The following ZFHX3 variants were observed in gnomAD, a reference collection of about 807,000 sequenced individuals.
The protein encoded by ZFHX3 is zinc finger homeobox 3.
A neutral mutation model predicts 279.1 loss-of-function variants in ZFHX3; 42 were observed. The observed-to-expected ratio is 0.15, with a 90% CI of 0.12 to 0.19. ZFHX3 has a LOEUF of 0.19. ZFHX3 is among the 10% of genes least tolerant of loss of function. ZFHX3 has a pLI of 1.00. For synonymous variants in ZFHX3, 2,293 were observed against 1,957.8 expected, an observed-to-expected ratio of 1.17 and a Z score of -4.52; for missense variants, 4,981 against 4,754.0, an observed-to-expected ratio of 1.05 and a Z score of -1.40.
At chr16:73,280,078 T>C (rs887847359) in intron 4 of ZFHX3, among the ~76,000 whole-genome samples, 1 of 152,086 alleles carries the variant, frequency 6.6e-6, no homozygotes, top group African/African-American at 2.4e-5. Flanking sequence ...TGCAAAAGAA[T>C]GAAATTGGAC....
chr16:73,557,762 T>C (rs1332232047), intron 2 of ZFHX3, among the ~76,000 whole-genome samples: 2 of 152,086 alleles, frequency 1.3e-5, no homozygotes, highest in Admixed American at 1.3e-4. Context: ...TCCTATCTCA[T>C]CCTGTGACTT....
intron 1 of ZFHX3, among the ~76,000 whole-genome samples, chr16:73,719,501 C>A (rs2142236214): frequency 6.6e-6 from 1 of 152,182 alleles, no homozygotes; most frequent in East Asian, 1.9e-4. Context: ...ACAACCTGCT[C>A]CCAAAATAGT....
At chr16:73,544,817 C>T (rs1567515146) in intron 2 of ZFHX3, among the ~76,000 whole-genome samples, 1 of 152,080 alleles carries the variant, frequency 6.6e-6, no homozygotes, top group Non-Finnish European at 1.5e-5. Flanking sequence ...TCTGGGTTCC[C>T]CGGCCGTGGA....
chr16:73,792,181 G>C (rs987782139), intron 1 of ZFHX3, among the ~76,000 whole-genome samples: 1 of 152,182 alleles, frequency 6.6e-6, no homozygotes, highest in Non-Finnish European at 1.5e-5. Context: ...CATGAAAACT[G>C]AGCATTTTTA....
At chr16:73,510,822 T>C (rs1022073596) in intron 2 of ZFHX3, among the ~76,000 whole-genome samples, 1 of 152,200 alleles carries the variant, frequency 6.6e-6, no homozygotes, top group African/African-American at 2.4e-5. Flanking sequence ...TCTCCCTAAG[T>C]CCACACCTTA....
rs1239902472 is a variant in ZFHX3 at position 72,787,005 on chromosome 16, T to C, written c.*159A>G. Reference sequence around the variant, plus strand: ...GTAAAATCACCGGCATAGATAGGTATATGGGAAAACAACCCACGCTTTTTC... The same window carrying C: ...GTAAAATCACCGGCATAGATAGGTACATGGGAAAACAACCCACGCTTTTTC... On this transcript the variant is annotated 3_prime_UTR_variant, in exon 10 of 10. Coordinates refer to ENST00000268489, the MANE Select transcript of ZFHX3 (RefSeq NM_006885.4). The C allele has an allele frequency of 4.4e-5, 30 of 677,312 alleles. No individual in the cohort carries two copies. The highest frequency in any genetic ancestry group is 5.8e-5 in the Non-Finnish European group (28 of 481,866). The allele number at this position is 677,312 out of a possible 1,614,324, so 42.0% of individuals were successfully genotyped here. A position where few individuals can be genotyped will look rare whatever the true frequency, so the allele number is the denominator to read the frequency against.
intron 2 of ZFHX3, among the ~76,000 whole-genome samples, chr16:73,489,110 A>C (rs1185206344): frequency 3.3e-5 from 5 of 152,222 alleles, no homozygotes; most frequent in Admixed American, 3.3e-4. Flanking sequence ...AAATTTCATC[A>C]TCTGAATATC....
rs7500755 is a variant in ZFHX3, at chr16:73,222,156, A to G, written c.-1104+34891T>C. Among the ~76,000 whole-genome samples, 1,069 of 152,216 alleles carry G rather than the reference A, an allele frequency of 7.0e-3. 10 individuals carry two copies. Among genetic ancestry groups the G allele is most frequent in the African/African-American group, 0.024 (999 of 41,558 alleles). On this transcript the variant is annotated intron_variant, in intron 5 of 17. Coordinates refer to the ZFHX3 transcript ENST00000641206. ...TTCTAGTTATAATTATTTCCTAAAG[A>G]TGAGTAAGATACTAAGTGTGAATAA... is the stretch of plus-strand genomic sequence containing the variant.
At chr16:73,884,131 C>T (rs978096794) in intron 1 of ZFHX3, among the ~76,000 whole-genome samples, 2 of 152,170 alleles carry the variant, frequency 1.3e-5, no homozygotes, top group Non-Finnish European at 2.9e-5. Context: ...TTTTATACTA[C>T]TCGCATATTG....
At chr16:73,187,142 T>TCACACACA (rs1491472382) in intron 5 of ZFHX3, among the ~76,000 whole-genome samples, 97 of 87,886 alleles carry the variant, frequency 1.1e-3, no homozygotes, top group Admixed American at 1.7e-3. Context: ...AAGTTGTATG[T>TCACACACA]CTCACACACA....
chr16:72,810,119 C>T (rs899783213), intron 7 of ZFHX3, among the ~76,000 whole-genome samples: 1 of 151,982 alleles, frequency 6.6e-6, no homozygotes, highest in Admixed American at 6.6e-5. Flanking sequence ...CTCCTGACCT[C>T]GTGATCCACC....
chr16:72,987,922 C>A (rs1962915682), intron 1 of ZFHX3, among the ~76,000 whole-genome samples: 1 of 152,206 alleles, frequency 6.6e-6, no homozygotes, highest in Non-Finnish European at 1.5e-5. Flanking sequence ...ACGCCCTATT[C>A]ATTCACATAT....
intron 2 of ZFHX3, among the ~76,000 whole-genome samples, chr16:73,633,674 G>A (rs1034134482): frequency 6.6e-6 from 1 of 152,150 alleles, no homozygotes; most frequent in Non-Finnish European, 1.5e-5. Flanking sequence ...ATTGTGGCGT[G>A]GATTGGCATG....
intron 4 of ZFHX3, among the ~76,000 whole-genome samples, chr16:73,258,725 G>C (rs949303527): frequency 6.6e-6 from 1 of 152,110 alleles, no homozygotes; most frequent in Non-Finnish European, 1.5e-5. Flanking sequence ...ACTCCATTTT[G>C]ATCACTGCTA....
chr16:73,246,748 A>C (rs1169243147), intron 5 of ZFHX3, among the ~76,000 whole-genome samples: 1 of 152,202 alleles, frequency 6.6e-6, no homozygotes, highest in East Asian at 1.9e-4. Context: ...ACACTTTTTC[A>C]CTTTTAAAAC....
chr16:73,773,247 C>T (rs2054039154), intron 1 of ZFHX3, among the ~76,000 whole-genome samples: 1 of 152,366 alleles, frequency 6.6e-6, no homozygotes, highest in South Asian at 2.1e-4. Flanking sequence ...TCCACCATCA[C>T]AGAAAGTTCT....
At chr16:73,374,461 T>A (rs2016687453) in intron 3 of ZFHX3, among the ~76,000 whole-genome samples, 1 of 152,180 alleles carries the variant, frequency 6.6e-6, no homozygotes, top group Admixed American at 6.5e-5. Context: ...ATCTCAGACT[T>A]ACCATTTCAT....
At chr16:72,869,974 A>G (rs1171752054) in intron 4 of ZFHX3, among the ~76,000 whole-genome samples, 1 of 152,242 alleles carries the variant, frequency 6.6e-6, no homozygotes, top group Non-Finnish European at 1.5e-5. Flanking sequence ...CATTTCTACC[A>G]AAATACACAG....
intron 3 of ZFHX3, among the ~76,000 whole-genome samples, chr16:73,373,675 T>C (rs760431484): frequency 3.3e-5 from 5 of 152,340 alleles, no homozygotes; most frequent in Non-Finnish European, 5.9e-5. Context: ...AATGAGGCGG[T>C]ACATGATAAA....
Sources: allele counts gnomAD v4.1 joint callset (sites outside exome capture counted in the v4.1 genomes callset), GRCh38; gene constraint gnomAD v4.1.1; transcripts MANE v1.5; gene names NCBI Gene and HGNC (gene_info 2026-07-23, HGNC 2026-07-21).